The following WIPF1 variants were observed in gnomAD, a reference collection of about 807,000 sequenced individuals.
WIPF1 encodes the protein WAS/WASL interacting protein family member 1, also known as WAS/WASL-interacting protein family member 1.
A neutral mutation model predicts 35.4 loss-of-function variants in WIPF1; 13 were observed. The ratio of observed to expected loss-of-function variants is 0.37; its 90% CI spans 0.24 to 0.58. The LOEUF (loss-of-function observed/expected upper bound fraction) is 0.58. Among genes scored for constraint, WIPF1 ranks in the 20% least tolerant of loss-of-function variants. WIPF1 has a pLI of 0.74. For missense variants in WIPF1, 591 were observed against 667.0 expected (o/e 0.89, Z 1.25); for synonymous variants, 267 against 266.3 (o/e 1.00, Z -0.02).
chr2:174,562,261 G>T lies in WIPF1; in HGVS notation c.*286C>A, dbSNP rs1304855948. ...TTGAATTTGGTTGGTGGAAAGCTGG[G>T]ATGCAAGTCATCTCTGCCTATTACG... On this transcript the variant is annotated 3_prime_UTR_variant, in exon 8 of 8. Transcript: ENST00000679041. 12 of 1,538,006 alleles carry T rather than the reference G, an allele frequency of 7.8e-6. No individual in the cohort carries two copies. The East Asian group carries it at 2.9e-4, about 38-fold the overall frequency.
chr2:174,574,681 CCCTGCAGAGACT>C (rs1284983011), intron 4 of WIPF1: 18 of 584,296 alleles, frequency 3.1e-5, no homozygotes, highest in Non-Finnish European at 5.5e-5. Context: ...GTCCATGGCT[CCCTGCAGAGACT>C]CCTGAGAACC....
rs751202200 is a variant in WIPF1 at position 174,576,249 on chromosome 2, AC to A, written c.182-870del. Among the ~76,000 whole-genome samples, 60 of 149,792 alleles carry A rather than the reference AC, an allele frequency of 4.0e-4. 1 individual carries two copies. Among genetic ancestry groups the A allele is most frequent in the Non-Finnish European group, 4.5e-4 (30 of 67,284 alleles). On this transcript the variant is annotated intron_variant, in intron 3 of 7. Transcript: ENST00000679041. ...CTCCAGCAAAAAAAAAAAAAAAAAA[AC>A]ACTAAGCAAATATCCACAATTGAGT...
intron 1 of WIPF1, among the ~76,000 whole-genome samples, chr2:174,663,468 T>G (rs1574866934): frequency 5.5e-5 from 8 of 146,610 alleles, no homozygotes; most frequent in East Asian, 2.2e-4. Flanking sequence ...CGCATTCCCC[T>G]TCCCCCCACC....
At chr2:174,586,778 C>T (rs1013228825) in intron 1 of WIPF1, among the ~76,000 whole-genome samples, 27 of 152,170 alleles carry the variant, frequency 1.8e-4, no homozygotes, top group African/African-American at 6.0e-4. Flanking sequence ...GCGTGGGCAC[C>T]ACCCAGAAGC....
intron 1 of WIPF1, among the ~76,000 whole-genome samples, chr2:174,657,416 G>A (rs1687664423): frequency 6.6e-6 from 1 of 152,170 alleles, no homozygotes; most frequent in Non-Finnish European, 1.5e-5. Context: ...AGTGAATTCA[G>A]GAACAAGCCA....
intron 1 of WIPF1, among the ~76,000 whole-genome samples, chr2:174,588,499 G>T (rs1436080560): frequency 1.3e-5 from 2 of 152,144 alleles, no homozygotes; most frequent in Non-Finnish European, 2.9e-5. Context: ...ACCCTTTCAG[G>T]GGCTGCCACC....
chr2:174,658,893 G>A (rs1031737992), intron 1 of WIPF1, among the ~76,000 whole-genome samples: 3 of 151,820 alleles, frequency 2.0e-5, no homozygotes, highest in Non-Finnish European at 2.9e-5. Flanking sequence ...AAAGGATCCC[G>A]CAGACATGAA....
At chr2:174,630,342 A>C (rs1207261465) in intron 1 of WIPF1, 1 of 152,222 alleles carries the variant, frequency 6.6e-6, no homozygotes, top group African/African-American at 2.4e-5. Flanking sequence ...TCTCATTAGC[A>C]TTGAGAAATA....
At chr2:174,591,222 T>G (rs1448892632) in intron 1 of WIPF1, among the ~76,000 whole-genome samples, 1 of 152,226 alleles carries the variant, frequency 6.6e-6, no homozygotes, top group Non-Finnish European at 1.5e-5. Context: ...GATCTTGGAC[T>G]TCCAGCTTCC....
chr2:174,605,320 C>T (rs6714963), intron 1 of WIPF1, among the ~76,000 whole-genome samples: 73,246 of 151,898 alleles, frequency 0.48, 18,584 homozygotes, highest in East Asian at 0.92. Flanking sequence ...CACCTGTAAT[C>T]CCAGCTACTC....
intron 3 of WIPF1, among the ~76,000 whole-genome samples, chr2:174,577,390 C>T (rs888397818): frequency 3.9e-5 from 6 of 152,134 alleles, no homozygotes; most frequent in Admixed American, 3.3e-4. Context: ...AAATTATTAA[C>T]GTTTCTAAAG....
intron 1 of WIPF1, among the ~76,000 whole-genome samples, chr2:174,681,024 G>A (rs993451808): frequency 1.3e-5 from 2 of 152,170 alleles, no homozygotes; most frequent in Admixed American, 1.3e-4. Context: ...ATAGAAGGAG[G>A]CATGAATCCC....
In WIPF1 at chr2:174,560,354, A is replaced by G. The variant is rs1199106698; in HGVS notation, c.*2193T>C. On this transcript the variant is annotated 3_prime_UTR_variant, in exon 8 of 8. Transcript: ENST00000679041. ...AGAACGGTACCTGCCAAGTTCAGAT[A>G]TGCAAAGGAATTGTCCAATTCTTAC... 2 of 152,640 alleles carry G rather than the reference A, an allele frequency of 1.3e-5. No individual in the cohort carries two copies. Among genetic ancestry groups the G allele is most frequent in the African/African-American group, 2.4e-5 (1 of 41,456 alleles). The allele number at this position is 152,640 out of a possible 1,614,324, so 9.5% of individuals were successfully genotyped here. A position where few individuals can be genotyped will look rare whatever the true frequency, so the allele number is the denominator to read the frequency against.
At chr2:174,611,869 C>T (rs1327825689) in intron 1 of WIPF1, among the ~76,000 whole-genome samples, 2 of 152,096 alleles carry the variant, frequency 1.3e-5, no homozygotes, top group African/African-American at 2.4e-5. Context: ...GTTTCTCCCA[C>T]TTTTCATAGT....
rs1686709785 is a variant in WIPF1, at chr2:174,622,609, T to TC, written c.-38-36999dup. On this transcript the variant is annotated intron_variant, in intron 1 of 8. Transcript: ENST00000272746. The surrounding 1 kb of genome is among the most constrained non-coding windows in gnomAD (Gnocchi z 5.1). ...GGTGCGCCTATCCTAACTCACCGAA[T>TC]CCCCACTCTCCTATGAGCAGGCTGA... Among the ~76,000 whole-genome samples, 2 of 152,132 alleles carry TC rather than the reference T, an allele frequency of 1.3e-5. No individual in the cohort carries two copies. Among genetic ancestry groups the TC allele is most frequent in the East Asian group, 3.9e-4 (2 of 5,192 alleles).
intron 1 of WIPF1, among the ~76,000 whole-genome samples, chr2:174,613,459 A>ATTCT (rs1313263046): frequency 6.6e-6 from 1 of 152,226 alleles, no homozygotes; most frequent in Non-Finnish European, 1.5e-5. Context: ...CTGGGCTAGA[A>ATTCT]GGACAACTGA....
chr2:174,571,623 T>C lies in WIPF1; in HGVS notation c.1129+53A>G. On this transcript the variant is annotated intron_variant, in intron 5 of 7. Transcript: ENST00000679041. This position sits in a 1 kb window ranked among gnomAD's most constrained non-coding sequence, Gnocchi z 4.6. ...CTATCTTGACTGACAGGATTATTGG[T>C]ACATTTGGGCAGGCTGGGTTTTGGA... 6.2e-7 allele frequency: 1 copy of C among 1,610,448 alleles called. No individual in the cohort carries two copies. Among genetic ancestry groups the C allele is most frequent in the Non-Finnish European group, 8.5e-7 (1 of 1,176,854 alleles).
At chr2:174,603,041 T>C (rs1991601) in intron 1 of WIPF1, among the ~76,000 whole-genome samples, 121,210 of 152,082 alleles carry the variant, frequency 0.8, 48,587 homozygotes, top group East Asian at 0.99. Context: ...ATCAAGGAAA[T>C]TTGTAGGCTG....
intron 1 of WIPF1, among the ~76,000 whole-genome samples, chr2:174,681,752 A>G (rs1688249865): frequency 6.6e-6 from 1 of 152,112 alleles, no homozygotes; most frequent in African/African-American, 2.4e-5. Flanking sequence ...AGTAAAAGGG[A>G]CCAAGTCCAC....
Sources: allele counts gnomAD v4.1 joint callset (sites outside exome capture counted in the v4.1 genomes callset), GRCh38; gene constraint gnomAD v4.1.1; non-coding constraint Gnocchi (gnomAD v3.1); transcripts MANE v1.5; gene names NCBI Gene and HGNC (gene_info 2026-07-23, HGNC 2026-07-21).